The following CHODL variants were observed in gnomAD, a reference collection of about 807,000 sequenced individuals.
CHODL encodes transmembrane protein MT75.
CHODL carries 29 observed loss-of-function variants against 34.5 expected under a neutral mutation model. The ratio of observed to expected loss-of-function variants is 0.84; its 90% CI spans 0.63 to 1.15. The LOEUF is 1.15. Ranked by LOEUF, CHODL falls within the 50% of genes most tolerant of loss-of-function variation. The probability of loss-of-function intolerance (pLI) is 0.00; values close to 1 mark genes in which losing one functional copy is unlikely to be tolerated. For synonymous variants in CHODL, 125 were observed against 116.1 expected (o/e 1.08, Z -0.49); for missense variants, 332 against 332.5 (o/e 1.00, Z 0.01).
intron 1 of CHODL, among the ~76,000 whole-genome samples, chr21:17,966,706 T>C (rs76462461): frequency 0.015 from 2,312 of 152,268 alleles, 48 homozygotes; most frequent in African/African-American, 0.05. Flanking sequence ...ATTAACTTCA[T>C]TGGGAGGAGA....
chr21:18,239,684 C>A (rs982959270), intron 2 of CHODL, among the ~76,000 whole-genome samples: 3 of 151,908 alleles, frequency 2.0e-5, no homozygotes, highest in Non-Finnish European at 4.4e-5. Context: ...CTTGCTTTAT[C>A]AAAAATTCAT....
At chr21:18,043,488 T>C (rs1437803163) in intron 2 of CHODL, among the ~76,000 whole-genome samples, 1 of 151,906 alleles carries the variant, frequency 6.6e-6, no homozygotes, top group Non-Finnish European at 1.5e-5. Flanking sequence ...AGACCCAGGA[T>C]GTGTGGGAGT....
intron 1 of CHODL, among the ~76,000 whole-genome samples, chr21:18,252,054 A>C (rs1179436254): frequency 6.6e-6 from 1 of 151,966 alleles, no homozygotes; most frequent in Non-Finnish European, 1.5e-5. Flanking sequence ...TATTTTCTCA[A>C]TATGTTTGTA....
chr21:18,009,861 C>G (rs2063996445), intron 1 of CHODL, among the ~76,000 whole-genome samples: 1 of 132,922 alleles, frequency 7.5e-6, no homozygotes, highest in Admixed American at 8.3e-5. Flanking sequence ...GCACTCCAGC[C>G]TGGGCGACAG....
At chr21:18,072,491 G>A (rs570910440) in intron 2 of CHODL, among the ~76,000 whole-genome samples, 1 of 152,102 alleles carries the variant, frequency 6.6e-6, no homozygotes, top group Non-Finnish European at 1.5e-5. Context: ...GAATTTAGGA[G>A]AAGACTCTAG....
intron 1 of CHODL, among the ~76,000 whole-genome samples, chr21:17,977,276 G>A (rs1167652583): frequency 1.3e-5 from 2 of 151,610 alleles, no homozygotes; most frequent in Admixed American, 6.6e-5. Flanking sequence ...AGCAGGACAT[G>A]TTTTTCAAGA....
intron 2 of CHODL, among the ~76,000 whole-genome samples, chr21:18,087,990 G>T (rs1457810340): frequency 6.6e-6 from 1 of 152,106 alleles, no homozygotes; most frequent in Non-Finnish European, 1.5e-5. Context: ...GGAGAGAGAG[G>T]ACAAGCGAAG....
At chr21:18,079,264 C>A (rs2064905253) in intron 2 of CHODL, among the ~76,000 whole-genome samples, 1 of 151,724 alleles carries the variant, frequency 6.6e-6, no homozygotes, top group Non-Finnish European at 1.5e-5. Context: ...AAGAGAATGA[C>A]TTCTAGTTCC....
At chr21:18,160,663 T>C (rs2073085648) in intron 2 of CHODL, among the ~76,000 whole-genome samples, 1 of 152,216 alleles carries the variant, frequency 6.6e-6, no homozygotes, top group South Asian at 2.1e-4. Flanking sequence ...AAGGACATAA[T>C]CTTCTGTTTT....
chr21:18,070,029 C>CTTCCCTTCCCTCCA (rs1568870121), intron 2 of CHODL, among the ~76,000 whole-genome samples: 1 of 103,332 alleles, frequency 9.7e-6, no homozygotes, highest in Non-Finnish European at 2.1e-5. Flanking sequence ...CTTCCCTCCC[C>CTTCCCTTCCCTCCA]CCCCCCACCC....
intron 2 of CHODL, among the ~76,000 whole-genome samples, chr21:18,178,832 A>G (rs1032822155): frequency 2.6e-5 from 4 of 152,178 alleles, no homozygotes; most frequent in African/African-American, 9.6e-5. Context: ...TTGTTTAAGC[A>G]TCAACCATAG....
Position 17,967,848 on chromosome 21 carries a change from C to A in CHODL, c.-145+50448C>A, listed in dbSNP as rs537490391. Among the ~76,000 whole-genome samples, 25 of 152,256 alleles carry A rather than the reference C, an allele frequency of 1.6e-4. No homozygotes were observed. The South Asian group carries it at 5.2e-3, about 32-fold the overall frequency. ...TGTTGCATACCTACTATGTGCCCAA[C>A]AATATCCCTTTCCTTAAAGGGCAGA... On this transcript the variant is annotated intron_variant, in intron 1 of 6. Coordinates refer to the CHODL transcript ENST00000400127.
chr21:18,140,403 G>A (rs2072786887), intron 2 of CHODL, among the ~76,000 whole-genome samples: 1 of 152,026 alleles, frequency 6.6e-6, no homozygotes, highest in Non-Finnish European at 1.5e-5. Flanking sequence ...ACCTATAACA[G>A]GTCTAATGGA....
intron 2 of CHODL, among the ~76,000 whole-genome samples, chr21:18,101,349 G>A (rs1332288014): frequency 6.6e-6 from 1 of 152,086 alleles, no homozygotes; most frequent in African/African-American, 2.4e-5. Context: ...GTCTTTATCA[G>A]CAACGTGAAA....
intron 2 of CHODL, among the ~76,000 whole-genome samples, chr21:18,123,863 C>G (rs367607159): frequency 1.3e-5 from 2 of 152,128 alleles, no homozygotes; most frequent in Non-Finnish European, 1.5e-5. Context: ...CCAGCAAGAA[C>G]GCAGGGTACC....
At position 18,060,892 on chromosome 21, in the gene CHODL, C is replaced by CG. The variant is rs549136592; in HGVS notation, c.-45+32922dup. ...ATAGCTTATTCACTACAGGGTCAAG[C>CG]GACTAGGAAAGATAGTAAACAACTA... On this transcript the variant is annotated intron_variant, in intron 2 of 6. Coordinates refer to the CHODL transcript ENST00000400127. Among the ~76,000 whole-genome samples the CG allele has an allele frequency of 8.5e-5, 13 of 152,054 alleles. No individual in the cohort carries two copies. In the East Asian group the frequency reaches 2.1e-3, roughly 25 times the overall value.
chr21:18,168,597 T>G lies in CHODL; in HGVS notation c.-44-87912T>G, dbSNP rs117137039. Among the ~76,000 whole-genome samples the G allele has an allele frequency of 9.9e-3, 1,509 of 152,332 alleles. 18 individuals are homozygous for G. Among genetic ancestry groups the G allele is most frequent in the Admixed American group, 0.014 (218 of 15,302 alleles). On this transcript the variant is annotated intron_variant, in intron 2 of 6. Transcript: ENST00000400127. ...CTATGGAGAAATATCTATATTCAAATAGTTTGCATATTTTAAAATGTGGTT... is the reference window on the plus strand; with the variant it reads ...CTATGGAGAAATATCTATATTCAAAGAGTTTGCATATTTTAAAATGTGGTT...
chr21:17,923,388 A>T (rs954020414), intron 1 of CHODL, among the ~76,000 whole-genome samples: 23 of 128,466 alleles, frequency 1.8e-4, no homozygotes, highest in African/African-American at 6.2e-4. Context: ...AAATTAAAAA[A>T]AGTAAAAAGA....
At chr21:18,189,629 ATTTTTTTT>A (rs35604998) in intron 2 of CHODL, among the ~76,000 whole-genome samples, 7,964 of 94,820 alleles carry the variant, frequency 0.084, 279 homozygotes, top group Middle Eastern at 0.15. Flanking sequence ...GAAGTGGGCA[ATTTTTTTT>A]TTTTTTTTTT....
Sources: gnomAD v4.1 joint callset for allele counts (sites outside exome capture counted in the v4.1 genomes callset) on GRCh38, gnomAD v4.1.1 for gene constraint, MANE v1.5 for transcripts, NCBI Gene and HGNC (gene_info 2026-07-23, HGNC 2026-07-21) for gene names.